The following CTNNA2 variants were observed in gnomAD, a reference collection of about 807,000 sequenced individuals.
The protein encoded by CTNNA2 is catenin alpha-2.
A neutral mutation model predicts 101.0 loss-of-function variants in CTNNA2; 42 were observed. The observed-to-expected ratio is 0.42, with a 90% CI of 0.32 to 0.54. The LOEUF (loss-of-function observed/expected upper bound fraction) is 0.54, where lower values mean the gene tolerates loss of function less well. CTNNA2 is among the 20% of genes least tolerant of loss of function. CTNNA2 has a pLI of 0.14. For synonymous variants in CTNNA2, 450 were observed against 456.4 expected, an observed-to-expected ratio of 0.99 and a Z score of 0.18; for missense variants, 871 against 1,223.1, an observed-to-expected ratio of 0.71 and a Z score of 4.29.
chr2:80,445,797 G>T (rs1281972973), intron 9 of CTNNA2, among the ~76,000 whole-genome samples: 1 of 152,160 alleles, frequency 6.6e-6, no homozygotes, highest in Admixed American at 6.5e-5. Flanking sequence ...ACAAATAATT[G>T]TGGATTTAAT....
intron 12 of CTNNA2, among the ~76,000 whole-genome samples, chr2:80,562,321 A>G (rs926036775): frequency 2.0e-5 from 3 of 152,204 alleles, no homozygotes; most frequent in African/African-American, 7.2e-5. Flanking sequence ...GACCATAACC[A>G]GATAGCTTAC....
intron 3 of CTNNA2, among the ~76,000 whole-genome samples, chr2:79,850,654 C>G (rs1018971693): frequency 6.6e-6 from 1 of 152,142 alleles, no homozygotes; most frequent in African/African-American, 2.4e-5. Flanking sequence ...TTTTGAATGC[C>G]TACTTCACCA....
chr2:79,496,153 T>C (rs1184477295), intron 4 of CTNNA2, among the ~76,000 whole-genome samples: 3 of 152,280 alleles, frequency 2.0e-5, no homozygotes, highest in Admixed American at 6.5e-5. Flanking sequence ...TCTAAACAAA[T>C]AATATTCTAA....
intron 7 of CTNNA2, among the ~76,000 whole-genome samples, chr2:80,229,305 G>A (rs1558923553): frequency 2.0e-5 from 3 of 152,246 alleles, no homozygotes; most frequent in South Asian, 4.1e-4. Flanking sequence ...TAAGGGCTCC[G>A]TCTGAAAAGG....
chr2:80,201,309 C>A (rs898151723), intron 7 of CTNNA2, among the ~76,000 whole-genome samples: 7 of 142,764 alleles, frequency 4.9e-5, no homozygotes, highest in Non-Finnish European at 7.6e-5. Flanking sequence ...GCAAATCAGT[C>A]TTTTATTTAA....
At chr2:80,353,460 A>G (rs1422940867) in intron 7 of CTNNA2, among the ~76,000 whole-genome samples, 1 of 152,136 alleles carries the variant, frequency 6.6e-6, no homozygotes, top group Non-Finnish European at 1.5e-5. Flanking sequence ...ACTATAACCT[A>G]TAATATATAG....
intron 7 of CTNNA2, among the ~76,000 whole-genome samples, chr2:80,214,790 T>A (rs1708148379): frequency 6.6e-6 from 1 of 152,214 alleles, no homozygotes; most frequent in South Asian, 2.1e-4. Context: ...ATTTCCTGAA[T>A]TTGAATGTTG....
At chr2:79,508,955 GTATATATATATATATA>G (rs530470576), upstream of CTNNA2, among the ~76,000 whole-genome samples, 1,281 of 90,370 alleles carry the variant, frequency 0.014, 35 homozygotes, top group Middle Eastern at 0.026. Context: ...CACCATTGCA[GTATATATATATATATA>G]TATATATATA....
At chr2:79,865,754 C>T (rs1361685258) in intron 4 of CTNNA2, among the ~76,000 whole-genome samples, 1 of 152,244 alleles carries the variant, frequency 6.6e-6, no homozygotes, top group Admixed American at 6.5e-5. Flanking sequence ...GAGTCTCGCA[C>T]TGTCGCCCAG....
At chr2:80,210,566 G>A (rs1573399354) in intron 7 of CTNNA2, among the ~76,000 whole-genome samples, 1 of 152,118 alleles carries the variant, frequency 6.6e-6, no homozygotes, top group East Asian at 1.9e-4. Flanking sequence ...TGGCTGCGTA[G>A]TTTTCCATGG....
At chr2:79,260,605 A>G (rs572506324) in intron 2 of CTNNA2, among the ~76,000 whole-genome samples, 1 of 152,312 alleles carries the variant, frequency 6.6e-6, no homozygotes, top group East Asian at 1.9e-4. Flanking sequence ...TTTTAACTGA[A>G]CATTACATTC....
chr2:79,519,207 C>T (rs995203174), intron 1 of CTNNA2, among the ~76,000 whole-genome samples: 7 of 135,586 alleles, frequency 5.2e-5, no homozygotes, highest in Non-Finnish European at 9.1e-5. Context: ...TCAGCTTGGG[C>T]GACAGAACAA....
chr2:80,359,570 T>C (rs111368144), intron 7 of CTNNA2, among the ~76,000 whole-genome samples: 1 of 152,102 alleles, frequency 6.6e-6, no homozygotes, highest in Non-Finnish European at 1.5e-5. Flanking sequence ...CACCTGCCCC[T>C]CTTCCTCCTG....
At chr2:79,258,713 C>T (rs1019421896) in intron 2 of CTNNA2, among the ~76,000 whole-genome samples, 2 of 151,948 alleles carry the variant, frequency 1.3e-5, no homozygotes, top group African/African-American at 4.8e-5. Flanking sequence ...GGACTAAGCT[C>T]AATGCTTTTG....
intron 3 of CTNNA2, among the ~76,000 whole-genome samples, chr2:79,763,905 G>A (rs1405308904): frequency 6.6e-6 from 1 of 152,188 alleles, no homozygotes; most frequent in East Asian, 1.9e-4. Flanking sequence ...GATATAAGTT[G>A]TATTTAAAAG....
chr2:80,639,868 C>T (rs951057324), intron 18 of CTNNA2, among the ~76,000 whole-genome samples: 1 of 151,868 alleles, frequency 6.6e-6, no homozygotes, highest in African/African-American at 2.4e-5. Context: ...TTTGGGAGGT[C>T]GAGGTGGGCA....
intron 7 of CTNNA2, among the ~76,000 whole-genome samples, chr2:80,326,819 A>G (rs1670847323): frequency 6.6e-6 from 1 of 152,178 alleles, no homozygotes. Context: ...GCTAAAAAAA[A>G]AGAGCAGTGT....
intron 2 of CTNNA2, among the ~76,000 whole-genome samples, chr2:79,216,484 G>T (rs1006149678): frequency 6.6e-6 from 1 of 151,636 alleles, no homozygotes. Context: ...AGAGGTTGGG[G>T]CATGGAAATA....
intron 1 of CTNNA2, among the ~76,000 whole-genome samples, chr2:79,539,219 G>A (rs914728627): frequency 2.6e-5 from 4 of 152,126 alleles, no homozygotes; most frequent in Admixed American, 6.5e-5. Flanking sequence ...TATATTAATA[G>A]GAGTGAGGCA....
Sources: allele counts gnomAD v4.1 joint callset (sites outside exome capture counted in the v4.1 genomes callset), GRCh38; gene constraint gnomAD v4.1.1; transcripts MANE v1.5; gene names NCBI Gene and HGNC (gene_info 2026-07-23, HGNC 2026-07-21).